MELTF: variants seen among roughly 807,000 people sequenced by gnomAD.
MELTF encodes the protein antigen p97 (melanoma associated) identified by monoclonal antibodies 133.2 and 96.5.
Under a neutral mutation model 83.7 loss-of-function variants are expected in MELTF, and 67 were observed. The observed-to-expected ratio is 0.80, with a 90% CI of 0.66 to 0.98. The LOEUF (loss-of-function observed/expected upper bound fraction) is 0.98. Ranked by LOEUF, MELTF falls within the 50% of genes least tolerant of loss-of-function variation. The pLI is 0.00. For missense variants in MELTF, 1,002 were observed against 1,035.6 expected (o/e 0.97, Z 0.44); for synonymous variants, 462 against 447.6 (o/e 1.03, Z -0.41).
intron 9 of MELTF, among the ~76,000 whole-genome samples, chr3:197,014,470 C>A: frequency 6.8e-6 from 1 of 146,666 alleles, no homozygotes; most frequent in East Asian, 2.0e-4. Context: ...TCCCTGCAAC[C>A]TCCACCTCCC....
intron 6 of MELTF, among the ~76,000 whole-genome samples, chr3:197,017,832 ACG>A (rs1560218251): frequency 6.6e-6 from 1 of 152,110 alleles, no homozygotes; most frequent in African/African-American, 2.4e-5. Flanking sequence ...AGCCGAGATC[ACG>A]CCACTGCACT....
chr3:197,004,926 C>G (rs75328726), intron 14 of MELTF, among the ~76,000 whole-genome samples: 2 of 152,132 alleles, frequency 1.3e-5, no homozygotes, highest in Non-Finnish European at 2.9e-5. Flanking sequence ...GAGGACTTAG[C>G]AACCCCCTAG....
chr3:197,021,482 G>T lies in MELTF; in HGVS notation c.645-11C>A. On this transcript the variant is annotated splice_polypyrimidine_tract_variant and intron_variant, in intron 5 of 15. Transcript: ENST00000296350. ...CCTTCCGCCAGGCACCTGCGGAGGA[G>T]AAGCTGTGGGTCTGGATGGGCTGAG... The T allele has an allele frequency of 6.2e-7, 1 of 1,613,084 alleles. No individual in the cohort carries two copies.
chr3:197,016,953 C>T (rs969673578), intron 7 of MELTF, 150 bp downstream of exon 7: 20 of 877,556 alleles, frequency 2.3e-5, no homozygotes, highest in South Asian at 9.1e-5. Flanking sequence ...CCAGCATAGT[C>T]GGTTCCTCAC....
rs1027741897 is a variant in MELTF at position 197,024,144 on chromosome 3, G to A, written c.487+159C>T. On this transcript the variant is annotated intron_variant, in intron 4 of 15. Coordinates refer to ENST00000296350, the MANE Select transcript of MELTF (RefSeq NM_005929.6). This position sits in a 1 kb window ranked among gnomAD's most constrained non-coding sequence, Gnocchi z 5.3. ...AAGCGGCGGCGCCGGCGGCAGAGTG[G>A]AGGCGGGGGAGGCACGGGGCGGGCG... is the stretch of plus-strand genomic sequence containing the variant. 6.6e-6 allele frequency among the ~76,000 whole-genome samples: 1 copy of A among 151,590 alleles called. No homozygotes were observed. Among genetic ancestry groups the A allele is most frequent in the East Asian group, 1.9e-4 (1 of 5,142 alleles).
chr3:197,003,400 G>A lies in MELTF; in HGVS notation c.2189C>T (p.Ala730Val), dbSNP rs1446643115. ...GAGGGCGGGCGGGAGCAGGCGGGCG[G>A]CGAGGGCGGGCAGCAGCAGCGGGAG... ...PLLPLLLPAL[A>V]ARLLPPAL The change falls in exon 16 of 16, where the codon GCC becomes GTC. Residue 730 changes from alanine (A) to valine (V), a missense_variant. Transcript: ENST00000296350. This position sits in a 1 kb window ranked among gnomAD's most constrained non-coding sequence, Gnocchi z 6.2. 1.8e-6 allele frequency: 2 copies of A among 1,100,052 alleles called. No homozygotes were observed. The highest frequency in any genetic ancestry group is 5.1e-5 in the Admixed American group (1 of 19,464). The allele number at this position is 1,100,052 out of a possible 1,614,324, so 68.1% of individuals were successfully genotyped here. A position where few individuals can be genotyped will look rare whatever the true frequency, so the allele number is the denominator to read the frequency against.
rs187390731 is a variant in MELTF, at chr3:197,017,815, T to C, written c.713-525A>G. The stretch of plus-strand genomic sequence containing the variant: ...TGGTGTGAACCTGGGAGGCGGAGCT[T>C]GCAGTGAGCCGAGATCACGCCACTG... On this transcript the variant is annotated intron_variant, in intron 6 of 15. Transcript: ENST00000296350. Among the ~76,000 whole-genome samples, 8 of 152,156 alleles carry C rather than the reference T, an allele frequency of 5.3e-5. No individual in the cohort carries two copies. In the East Asian group the frequency reaches 1.6e-3, roughly 30 times the overall value.
intron 6 of MELTF, chr3:197,019,470 G>A (rs1286187753): frequency 1.6e-5 from 24 of 1,461,730 alleles, no homozygotes; most frequent in Admixed American, 4.6e-5. Flanking sequence ...AAGCTGCCAG[G>A]TGCACGCCTG....
At chr3:197,021,960 C>G (rs1457278518) in intron 5 of MELTF, among the ~76,000 whole-genome samples, 1 of 152,182 alleles carries the variant, frequency 6.6e-6, no homozygotes, top group African/African-American at 2.4e-5. Flanking sequence ...CTCAAGTGAT[C>G]ATCCTGCCTC....
intron 8 of MELTF, 58 bp downstream of exon 8, chr3:197,016,131 G>A (rs529390082): frequency 1.7e-5 from 24 of 1,410,210 alleles, no homozygotes; most frequent in Admixed American, 1.1e-4. Context: ...AGAGAGCCTC[G>A]CCATGCCCGA....
At chr3:197,026,354 G>A (rs753215587) in intron 3 of MELTF, 116 of 335,322 alleles carry the variant, frequency 3.5e-4, no homozygotes, top group Middle Eastern at 8.5e-4. Context: ...AGGCAGTTAC[G>A]CACACAGCAC....
At position 197,003,816 on chromosome 3, in the gene MELTF, C is replaced by T; in HGVS notation, c.2137+85G>A. ...CGGGCCTCCACCCGCCTCCCCGGACCCGCAGCGCCCCCCGCTCCCTCAGGG... is the reference window on the plus strand; with the variant it reads ...CGGGCCTCCACCCGCCTCCCCGGACTCGCAGCGCCCCCCGCTCCCTCAGGG... On this transcript the variant is annotated intron_variant, in intron 15 of 15. Transcript: ENST00000296350. The surrounding 1 kb of genome is among the most constrained non-coding windows in gnomAD (Gnocchi z 6.2). 3 of 1,448,334 alleles carry T rather than the reference C, an allele frequency of 2.1e-6. No individual in the cohort carries two copies. Among genetic ancestry groups the T allele is most frequent in the East Asian group, 2.3e-5 (1 of 43,542 alleles). The allele number at this position is 1,448,334 out of a possible 1,614,324, so 89.7% of individuals were successfully genotyped here.
chr3:197,010,548 G>C (rs1176052884), intron 10 of MELTF, 150 bp downstream of exon 10: 2 of 649,140 alleles, frequency 3.1e-6, no homozygotes, highest in Admixed American at 5.5e-5. Flanking sequence ...CTGAGGCCTG[G>C]GGCAGGAGGG....
In MELTF at chr3:197,004,006, C is replaced by G; in HGVS notation, c.2032G>C (p.Val678Leu). 6.2e-7 allele frequency: 1 copy of G among 1,614,172 alleles called. No individual in the cohort carries two copies. The highest frequency in any genetic ancestry group is 8.5e-7 in the Non-Finnish European group (1 of 1,180,020). ...GQDLLFKDATVRAVPVGEKTT... is the reference protein window; with the variant it reads ...GQDLLFKDATLRAVPVGEKTT... ...TTCTCTCCGACAGGCACCGCCCGGA[C>G]GGTGGCATCCTTGAAAAGCAGGTCT... The change falls in exon 15 of 16, where the codon GTC (valine) becomes CTC (leucine). Residue 678 changes from valine to leucine, a missense_variant. Physicochemically the swap from Val to Leu is conservative, Grantham distance 32 (BLOSUM62 1). Transcript: ENST00000296350.
rs1205456541 is a variant in MELTF at position 197,029,683 on chromosome 3, G to A, written c.20C>T (p.Ala7Val). The A allele has an allele frequency of 5.6e-6, 7 of 1,245,260 alleles. No homozygotes were observed. The highest frequency in any genetic ancestry group is 1.5e-5 in the African/African-American group (1 of 65,018). 77.1% of individuals were successfully genotyped at this position (1,245,260 alleles called of 1,614,324 possible). A position where few individuals can be genotyped will look rare whatever the true frequency, so the allele number is the denominator to read the frequency against. The change falls in exon 1 of 16, where the codon GCT becomes GTT. Residue 7 changes from alanine to valine, a missense_variant. Ala to Val is a moderately conservative substitution (Grantham distance 64). Coordinates refer to ENST00000296350, the MANE Select transcript of MELTF (RefSeq NM_005929.6). The surrounding 1 kb of genome is among the most constrained non-coding windows in gnomAD (Gnocchi z 6.5). The stretch of plus-strand genomic sequence containing the variant: ...GCGCAGAGCCAGGAGCAGCCACAGA[G>A]CCCCGCTCGGACCCCGCATGGCGCC... MRGPSG[A>V]LWLLLALRTV...
At position 197,003,258 on chromosome 3, in the gene MELTF, T is replaced by G. The variant is rs1179103057; in HGVS notation, c.*114A>C. Reference sequence around the variant, plus strand: ...GCGGCGGGGCTCCCGGGGAGGCGCCTGCTCCCGCCCACGCCGGGCCCGGCC... The same window carrying G: ...GCGGCGGGGCTCCCGGGGAGGCGCCGGCTCCCGCCCACGCCGGGCCCGGCC... On this transcript the variant is annotated 3_prime_UTR_variant, in exon 16 of 16. Transcript: ENST00000296350. The surrounding 1 kb of genome is among the most constrained non-coding windows in gnomAD (Gnocchi z 6.2). 2 of 995,422 alleles carry G rather than the reference T, an allele frequency of 2.0e-6. No individual in the cohort carries two copies. The highest frequency in any genetic ancestry group is 6.0e-5 in the Admixed American group (1 of 16,742). 61.7% of individuals were successfully genotyped at this position (995,422 alleles called of 1,614,324 possible).
In MELTF at chr3:197,004,051, A is replaced by C. The variant is rs962554806; in HGVS notation, c.1987T>G (p.Ser663Ala). 1 of 1,614,170 alleles carries C rather than the reference A, an allele frequency of 6.2e-7. No homozygotes were observed. Among genetic ancestry groups the C allele is most frequent in the Non-Finnish European group, 8.5e-7 (1 of 1,180,026 alleles). Residue 663 changes from serine (S) to alanine (A), a missense_variant, in exon 15 of 16, where the codon TCC becomes GCC. By Grantham distance (99) the Ser-to-Ala change is moderately conservative. Transcript: ENST00000296350. ...HNKNGFKMFD[S>A]SNYHGQDLLF... The stretch of plus-strand genomic sequence containing the variant: ...AGGTCTTGGCCATGATAGTTGGAGG[A>C]GTCGAACATTTTGAACCCGTTCTTA...
chr3:197,009,683 T>C lies in MELTF; in HGVS notation c.1460A>G (p.Asp487Gly), dbSNP rs1719114004. ...CTGAATAAGGGCACCCACGGGGACA[T>C]CCCAGCCTGCAGGGCTGCCGAAACC... ...HAGFGSPAGWDVPVGALIQRG... is the reference protein window; with the variant it reads ...HAGFGSPAGWGVPVGALIQRG... The change falls in exon 11 of 16, where the codon GAT (aspartate) becomes GGT (glycine). Residue 487 changes from aspartate (D) to glycine (G), a missense_variant. Physicochemically the swap from Asp to Gly is moderately conservative, Grantham distance 94. Coordinates refer to ENST00000296350, the MANE Select transcript of MELTF (RefSeq NM_005929.6). 1 of 1,613,644 alleles carries C rather than the reference T, an allele frequency of 6.2e-7. No homozygotes were observed. Among genetic ancestry groups the C allele is most frequent in the African/African-American group, 1.3e-5 (1 of 74,914 alleles).
chr3:197,003,712 CCCG>C lies in MELTF; in HGVS notation c.2137+186_2137+188del. 1 of 715,838 alleles carries C rather than the reference CCCG, an allele frequency of 1.4e-6. No individual in the cohort carries two copies. The highest frequency in any genetic ancestry group is 1.9e-5 in the South Asian group (1 of 53,424). 44.3% of individuals were successfully genotyped at this position (715,838 alleles called of 1,614,324 possible). A position where few individuals can be genotyped will look rare whatever the true frequency, so the allele number is the denominator to read the frequency against. On this transcript the variant is annotated intron_variant, in intron 15 of 15. Transcript: ENST00000296350. The surrounding 1 kb of genome is among the most constrained non-coding windows in gnomAD (Gnocchi z 6.2). The stretch of plus-strand genomic sequence containing the variant: ...TCATTACCCAGGTCCGTCTGGGAGA[CCCG>C]CCGGGCTCCCGCCCTCCCGGCCCGC...
Sources: allele counts gnomAD v4.1 joint callset (sites outside exome capture counted in the v4.1 genomes callset), GRCh38; gene constraint gnomAD v4.1.1; non-coding constraint Gnocchi (gnomAD v3.1); transcripts MANE v1.5; gene names NCBI Gene and HGNC (gene_info 2026-07-23, HGNC 2026-07-21).